CASS4: variants seen among roughly 807,000 people sequenced by gnomAD.
The protein encoded by CASS4 is Cas scaffold protein family member 4, also known as cas scaffolding protein family member 4.
Under a neutral mutation model 54.2 loss-of-function variants are expected in CASS4, and 22 were observed. That is an observed-to-expected ratio of 0.41 (90% CI 0.29 to 0.58). The LOEUF is 0.58. CASS4 is among the 20% of genes least tolerant of loss of function. CASS4 has a pLI of 0.36. For synonymous variants in CASS4, 409 were observed against 391.5 expected, an observed-to-expected ratio of 1.04 and a Z score of -0.53; for missense variants, 854 against 986.7, an observed-to-expected ratio of 0.87 and a Z score of 1.80.
At chr20:56,446,055 G>A (rs75528071) in intron 3 of CASS4, 54 bp downstream of exon 3, 55,839 of 1,230,982 alleles carry the variant, frequency 0.045, 1,499 homozygotes, top group Non-Finnish European at 0.056. Flanking sequence ...CCAGAGTCTG[G>A]GGTTCTTGGG....
rs1285230714 is a variant in CASS4 at position 56,412,353 on chromosome 20, C to A, written c.-106C>A. 3 of 1,221,992 alleles carry A rather than the reference C, an allele frequency of 2.5e-6. No individual in the cohort carries two copies. The highest frequency in any genetic ancestry group is 3.0e-5 in the African/African-American group (2 of 66,698). The allele number at this position is 1,221,992 out of a possible 1,614,324, so 75.7% of individuals were successfully genotyped here. A position where few individuals can be genotyped will look rare whatever the true frequency, so the allele number is the denominator to read the frequency against. The stretch of plus-strand genomic sequence containing the variant: ...TGTTGTCAGATAGCTCCATAGAATT[C>A]AGTTTCTGAGAACCAGCCAGAAGCA... On this transcript the variant is annotated 5_prime_UTR_variant, in exon 1 of 6. Coordinates refer to ENST00000679887, the MANE Select transcript of CASS4 (RefSeq NM_020356.4). This position sits in a 1 kb window ranked among gnomAD's most constrained non-coding sequence, Gnocchi z 4.2.
Position 56,453,062 on chromosome 20 carries a change from C to T in CASS4, c.1886C>T (p.Thr629Ile), listed in dbSNP as rs6069755. 2.2e-5 allele frequency: 36 copies of T among 1,613,952 alleles called. No individual in the cohort carries two copies. Among genetic ancestry groups the T allele is most frequent in the South Asian group, 2.0e-4 (18 of 91,080 alleles). Residue 629 changes from threonine (T) to isoleucine (I), a missense_variant, in exon 5 of 6, where the codon ACT becomes ATT. Thr to Ile is a moderately conservative substitution (Grantham distance 89). Transcript: ENST00000679887. ...TCACACCAAAAGAGTACCCCTTCCA[C>T]TAAGCAAAGGGAAGATGAACACTCT... ...TESHQKSTPS[T>I]KQREDEHSSE...
chr20:56,436,177 A>G (rs954611971), intron 1 of CASS4, among the ~76,000 whole-genome samples: 7 of 152,076 alleles, frequency 4.6e-5, no homozygotes, highest in African/African-American at 1.2e-4. Flanking sequence ...TGCCAATCCA[A>G]TTCAGAAGGA....
At chr20:56,438,093 A>G (rs1050119542) in intron 2 of CASS4, among the ~76,000 whole-genome samples, 2 of 152,174 alleles carry the variant, frequency 1.3e-5, no homozygotes, top group African/African-American at 4.8e-5. Flanking sequence ...GTTCGGGACC[A>G]GCCTGGGCAA....
intron 1 of CASS4, among the ~76,000 whole-genome samples, chr20:56,421,105 A>G (rs550465029): frequency 6.6e-6 from 1 of 152,352 alleles, no homozygotes; most frequent in African/African-American, 2.4e-5. Flanking sequence ...GTCATGCATT[A>G]AACAGCTTGA....
chr20:56,423,788 G>A (rs760772449), intron 1 of CASS4, among the ~76,000 whole-genome samples: 2 of 152,162 alleles, frequency 1.3e-5, no homozygotes, highest in East Asian at 1.9e-4. Flanking sequence ...CAAGTGATCC[G>A]CACACCTCGG....
In CASS4 at chr20:56,445,966, G is replaced by A. The variant is rs3746622; in HGVS notation, c.526G>A (p.Val176Met). 402 of 1,613,900 alleles carry A rather than the reference G, an allele frequency of 2.5e-4. 4 individuals carry two copies. In the East Asian group the frequency reaches 8.8e-3, roughly 35 times the overall value. ...GACTCTGCCTTCCCAGGTGTATGAC[G>A]TGCCTACCCAGCACCGGGGCCCCGT... ...LPTLPSQVYD[V>M]PTQHRGPVVL... is the part of the protein sequence containing the mutation. The change falls in exon 3 of 6, where the codon GTG becomes ATG. Residue 176 changes from valine (V) to methionine (M), a missense_variant. Val to Met is a conservative substitution (Grantham distance 21). Coordinates refer to ENST00000679887, the MANE Select transcript of CASS4 (RefSeq NM_020356.4).
In CASS4 at chr20:56,437,247, T is replaced by A. The variant is rs1326508762; in HGVS notation, c.120T>A (p.Ile40=). 2.5e-6 allele frequency: 4 copies of A among 1,613,464 alleles called. 1 individual carries two copies. In the South Asian group the frequency reaches 4.4e-5, roughly 18 times the overall value. The part of the protein sequence containing the change: ...LAFSRGDILT[I]LEQHVPESEG... ...TCAGCAGAGGGGACATCCTGACCAT[T>A]CTGGAGCAACACGTGCCAGAAAGCG... Residue 40 remains isoleucine (I), a synonymous_variant, in exon 2 of 6, where the codon ATT becomes ATA. Coordinates refer to ENST00000679887, the MANE Select transcript of CASS4 (RefSeq NM_020356.4). The surrounding 1 kb of genome is among the most constrained non-coding windows in gnomAD (Gnocchi z 4.7).
At chr20:56,436,358 G>GTA (rs775709837) in intron 1 of CASS4, among the ~76,000 whole-genome samples, 8,774 of 144,208 alleles carry the variant, frequency 0.061, 359 homozygotes, top group Middle Eastern at 0.15. Context: ...GTGTGTGTGT[G>GTA]TGTATATATA....
rs529133273 is a variant in CASS4, at chr20:56,446,153, T to C, written c.561+152T>C. On this transcript the variant is annotated intron_variant, in intron 3 of 5. Transcript: ENST00000679887. ...CATCACCACTCAGAGGCCAACTTCATAACCTCCTTTTTACCCATGGAGCCC... is the reference window on the plus strand; with the variant it reads ...CATCACCACTCAGAGGCCAACTTCACAACCTCCTTTTTACCCATGGAGCCC... 1.0e-4 allele frequency: 58 copies of C among 564,552 alleles called. 4 individuals carry two copies. In the Admixed American group the frequency reaches 1.7e-3, roughly 16 times the overall value. The allele number at this position is 564,552 out of a possible 1,614,324, so 35.0% of individuals were successfully genotyped here.
chr20:56,445,884 C>G lies in CASS4; in HGVS notation c.460-16C>G, dbSNP rs776170142. On this transcript the variant is annotated splice_polypyrimidine_tract_variant and intron_variant, in intron 2 of 5. Coordinates refer to ENST00000679887, the MANE Select transcript of CASS4 (RefSeq NM_020356.4). ...TGACATTTCCTTTTCCTCTTTTCTC[C>G]TCCTTTCTCTCCAAGGCCATCCTCA... The G allele has an allele frequency of 1.3e-6, 2 of 1,586,342 alleles. No homozygotes were observed. The highest frequency in any genetic ancestry group is 1.7e-6 in the Non-Finnish European group (2 of 1,155,440).
At chr20:56,435,914 C>G (rs6069744) in intron 1 of CASS4, among the ~76,000 whole-genome samples, 1 of 152,000 alleles carries the variant, frequency 6.6e-6, no homozygotes, top group East Asian at 1.9e-4. Flanking sequence ...CTCTGCCCAG[C>G]TAATTTTTTT....
chr20:56,439,931 T>C (rs556002008), intron 2 of CASS4, among the ~76,000 whole-genome samples: 1 of 152,306 alleles, frequency 6.6e-6, no homozygotes, highest in South Asian at 2.1e-4. Context: ...AAGGTCTGTG[T>C]GCAGGGAAAG....
Position 56,452,629 on chromosome 20 carries a change from C to G in CASS4, c.1453C>G (p.His485Asp). 6.2e-7 allele frequency: 1 copy of G among 1,614,174 alleles called. No individual in the cohort carries two copies. The highest frequency in any genetic ancestry group is 8.5e-7 in the Non-Finnish European group (1 of 1,180,024). Residue 485 changes from histidine to aspartate, a missense_variant, in exon 5 of 6, where the codon CAC becomes GAC. Transcript: ENST00000679887. ...TGATGCAATCCACAGGTCCACTGAT[C>G]ACATAGAAGAATCTGTAAGAGAATT... ...NIDAIHRSTDHIEESVREFLD... is the reference protein window; with the variant it reads ...NIDAIHRSTDDIEESVREFLD...
chr20:56,446,512 T>A (rs1438629465), intron 3 of CASS4, among the ~76,000 whole-genome samples: 1 of 152,234 alleles, frequency 6.6e-6, no homozygotes. Context: ...ATCTTAACAT[T>A]GATTATCTCT....
At chr20:56,428,218 G>A (rs1312895826) in intron 1 of CASS4, among the ~76,000 whole-genome samples, 1 of 152,192 alleles carries the variant, frequency 6.6e-6, no homozygotes, top group African/African-American at 2.4e-5. Flanking sequence ...GTGTCAGGCG[G>A]GCTGTGAAAG....
At chr20:56,439,713 C>CT (rs929700924) in intron 2 of CASS4, among the ~76,000 whole-genome samples, 10 of 152,098 alleles carry the variant, frequency 6.6e-5, no homozygotes, top group Middle Eastern at 6.8e-3. Flanking sequence ...AGAATGAAAA[C>CT]TTTTTTTAAT....
At chr20:56,431,078 G>A (rs1305174766) in intron 1 of CASS4, among the ~76,000 whole-genome samples, 3 of 152,146 alleles carry the variant, frequency 2.0e-5, no homozygotes, top group African/African-American at 4.8e-5. Flanking sequence ...TGGATTATAA[G>A]GTGAAAGAAT....
At chr20:56,426,869 G>T (rs544486570) in intron 1 of CASS4, among the ~76,000 whole-genome samples, 8 of 152,244 alleles carry the variant, frequency 5.3e-5, no homozygotes, top group African/African-American at 1.7e-4. Flanking sequence ...ATGAGCCACC[G>T]CACCCAGCCA....
Sources: allele counts gnomAD v4.1 joint callset (sites outside exome capture counted in the v4.1 genomes callset), GRCh38; gene constraint gnomAD v4.1.1; non-coding constraint Gnocchi (gnomAD v3.1); transcripts MANE v1.5; gene names NCBI Gene and HGNC (gene_info 2026-07-23, HGNC 2026-07-21).